The following ACSM1 variants were observed in gnomAD, a reference collection of about 807,000 sequenced individuals.
The protein encoded by ACSM1 is acyl-coenzyme A synthetase ACSM1, mitochondrial.
ACSM1 carries 79 observed loss-of-function variants against 75.8 expected under a neutral mutation model. The ratio of observed to expected loss-of-function variants is 1.04; its 90% CI spans 0.87 to 1.26. ACSM1 has a LOEUF of 1.26. ACSM1 is among the 50% of genes most tolerant of loss of function. The pLI is 0.00. For synonymous variants in ACSM1, 279 were observed against 265.8 expected (o/e 1.05, Z -0.48); for missense variants, 676 against 720.1 (o/e 0.94, Z 0.70).
chr16:20,630,352 G>A (rs989529562), intron 10 of ACSM1, among the ~76,000 whole-genome samples: 1 of 152,108 alleles, frequency 6.6e-6, no homozygotes, highest in Non-Finnish European at 1.5e-5. Flanking sequence ...CTCCCAAACT[G>A]CTGGGATTAC....
rs1410999640 is a variant in ACSM1, at chr16:20,636,811, T to C, written c.1227A>G (p.Pro409=). 6.2e-7 allele frequency: 1 copy of C among 1,614,002 alleles called. No homozygotes were observed. The highest frequency in any genetic ancestry group is 8.5e-7 in the Non-Finnish European group (1 of 1,179,998). ...TGCCAATGTTTCCTTCTGTGTTAGG[T>C]GGCAGGATGCTGCCCTTGTCATCAA... The part of the protein sequence containing the change: ...QVIDDKGSIL[P]PNTEGNIGIR... The change falls in exon 10 of 14, where the codon CCA becomes CCG. Residue 409 remains proline (P), a synonymous_variant. Coordinates refer to ENST00000520010, the MANE Select transcript of ACSM1 (RefSeq NM_001318890.3).
intron 2 of ACSM1, among the ~76,000 whole-genome samples, chr16:20,688,544 T>G (rs1348261537): frequency 6.6e-6 from 1 of 152,088 alleles, no homozygotes; most frequent in Non-Finnish European, 1.5e-5. Context: ...AAGCAACTCA[T>G]GTACAAGAGA....
chr16:20,637,528 CA>C (rs2017798777), intron 8 of ACSM1, 77 bp from the exon 9 acceptor site: 7 of 1,218,942 alleles, frequency 5.7e-6, no homozygotes, highest in Non-Finnish European at 7.3e-6. Context: ...TCATACACAG[CA>C]TCCTCTGCTC....
Position 20,624,040 on chromosome 16 carries a change from G to A in ACSM1, c.1647+56C>T, listed in dbSNP as rs144820087. On this transcript the variant is annotated intron_variant, in intron 13 of 13. Coordinates refer to ENST00000520010, the MANE Select transcript of ACSM1 (RefSeq NM_001318890.3). The stretch of plus-strand genomic sequence containing the variant: ...TGTTACCTCCAGTGATACCTAGCCC[G>A]TCCTAGCAGGGAACGCTTCAGGGCC... The A allele has an allele frequency of 8.9e-5, 142 of 1,597,866 alleles. 1 individual carries two copies. The African/African-American group carries it at 9.2e-4, about 10-fold the overall frequency.
intron 7 of ACSM1, among the ~76,000 whole-genome samples, chr16:20,651,879 T>G (rs2018667225): frequency 6.6e-6 from 1 of 152,176 alleles, no homozygotes; most frequent in African/African-American, 2.4e-5. Context: ...GTTAGAATTT[T>G]TTTTGCATCT....
intron 7 of ACSM1, among the ~76,000 whole-genome samples, chr16:20,654,096 T>A (rs2018806558): frequency 2.0e-5 from 3 of 152,008 alleles, no homozygotes; most frequent in Admixed American, 2.0e-4. Context: ...TCAGAAATAA[T>A]ACCAAACATC....
intron 4 of ACSM1, 129 bp downstream of exon 4, chr16:20,682,127 G>A: frequency 1.2e-6 from 1 of 854,224 alleles, no homozygotes; most frequent in Non-Finnish European, 1.8e-6. Context: ...TCCTTTGGAT[G>A]TTAATCTGAC....
intron 4 of ACSM1, among the ~76,000 whole-genome samples, chr16:20,675,359 C>T (rs956035340): frequency 1.3e-5 from 2 of 151,974 alleles, no homozygotes; most frequent in African/African-American, 4.8e-5. Flanking sequence ...TGCTCCCAGG[C>T]GAGTGTGGGG....
intron 10 of ACSM1, among the ~76,000 whole-genome samples, chr16:20,634,104 G>A (rs1442970555): frequency 6.6e-6 from 1 of 152,142 alleles, no homozygotes; most frequent in East Asian, 1.9e-4. Flanking sequence ...TTAAGTATAG[G>A]TGCCAAAACC....
At chr16:20,673,864 C>G (rs1201097193) in intron 4 of ACSM1, among the ~76,000 whole-genome samples, 1 of 152,160 alleles carries the variant, frequency 6.6e-6, no homozygotes, top group African/African-American at 2.4e-5. Flanking sequence ...TTACAAATCT[C>G]CTTTGCACAG....
intron 10 of ACSM1, 39 bp from the exon 11 acceptor site, chr16:20,627,355 A>G: frequency 6.5e-7 from 1 of 1,538,716 alleles, no homozygotes; most frequent in Admixed American, 2.1e-5. Flanking sequence ...AAGGCAGTGA[A>G]TTTAGAGGTG....
At chr16:20,630,884 C>T (rs1051915287) in intron 10 of ACSM1, among the ~76,000 whole-genome samples, 1 of 152,144 alleles carries the variant, frequency 6.6e-6, no homozygotes, top group Non-Finnish European at 1.5e-5. Context: ...CACAAATTTT[C>T]CCAATCTTTG....
At chr16:20,657,312 T>G (rs1242619060) in intron 7 of ACSM1, among the ~76,000 whole-genome samples, 4 of 152,002 alleles carry the variant, frequency 2.6e-5, no homozygotes, top group Non-Finnish European at 4.4e-5. Context: ...TTGTTTTTTG[T>G]TTTTTGTTTT....
intron 7 of ACSM1, among the ~76,000 whole-genome samples, chr16:20,650,859 A>G (rs1404668641): frequency 6.6e-6 from 1 of 152,094 alleles, no homozygotes; most frequent in South Asian, 2.1e-4. Flanking sequence ...CCTGCAGACT[A>G]TAGAGTACAT....
At chr16:20,665,480 A>G (rs1029468816) in intron 6 of ACSM1, among the ~76,000 whole-genome samples, 5 of 152,162 alleles carry the variant, frequency 3.3e-5, no homozygotes, top group Non-Finnish European at 1.5e-5. Context: ...ACAAATTACA[A>G]GTTCTGAAAT....
chr16:20,657,345 G>A (rs2019032436), intron 7 of ACSM1, among the ~76,000 whole-genome samples: 2 of 151,866 alleles, frequency 1.3e-5, no homozygotes, highest in South Asian at 2.1e-4. Flanking sequence ...TCTCTCTCTT[G>A]TCACCCAGGC....
At chr16:20,670,251 T>C (rs771644084) in intron 5 of ACSM1, among the ~76,000 whole-genome samples, 10 of 152,230 alleles carry the variant, frequency 6.6e-5, no homozygotes, top group Non-Finnish European at 1.3e-4. Flanking sequence ...ATGTCATCCC[T>C]ATCCATGAAA....
chr16:20,669,112 G>A (rs1027602747), intron 6 of ACSM1, among the ~76,000 whole-genome samples: 4 of 151,914 alleles, frequency 2.6e-5, no homozygotes, highest in African/African-American at 9.7e-5. Context: ...GGGGTGAAGG[G>A]ACATAGACAG....
intron 4 of ACSM1, among the ~76,000 whole-genome samples, chr16:20,678,703 A>G (rs1254466865): frequency 6.6e-6 from 1 of 152,262 alleles, no homozygotes; most frequent in African/African-American, 2.4e-5. Context: ...TAACTTGACT[A>G]TTAAAAATAA....
Sources: allele counts gnomAD v4.1 joint callset (sites outside exome capture counted in the v4.1 genomes callset), GRCh38; gene constraint gnomAD v4.1.1; transcripts MANE v1.5; gene names NCBI Gene and HGNC (gene_info 2026-07-23, HGNC 2026-07-21).